RASAL1: variants seen among roughly 807,000 people sequenced by gnomAD.
RASAL1 encodes RAS protein activator like 1, also known as rasGAP-activating-like protein 1.
Under a neutral mutation model 96.6 loss-of-function variants are expected in RASAL1, and 72 were observed. That is an observed-to-expected ratio of 0.75 (90% CI 0.62 to 0.91). The LOEUF is 0.91. Ranked by LOEUF, RASAL1 falls within the 40% of genes least tolerant of loss-of-function variation. RASAL1 has a pLI of 0.00. For synonymous variants in RASAL1, 405 were observed against 430.4 expected (o/e 0.94, Z 0.73); for missense variants, 1,016 against 1,072.5 (o/e 0.95, Z 0.74).
rs1951054058 is a variant in RASAL1 at position 113,115,752 on chromosome 12, G to T, written c.886C>A (p.Leu296Met). 6.2e-7 allele frequency: 1 copy of T among 1,614,064 alleles called. No homozygotes were observed. Among genetic ancestry groups the T allele is most frequent in the South Asian group, 1.1e-5 (1 of 91,082 alleles). ...TASPLALLEELTLGDCRQDLA... is the reference protein window; with the variant it reads ...TASPLALLEEMTLGDCRQDLA... ...TCCTGGCGGCAGTCCCCCAAGGTCA[G>T]CTCTTCCAGCAAAGCCAAGGGGCTA... Residue 296 changes from leucine (L) to methionine (M), a missense_variant, in exon 10 of 21, where the codon CTG (leucine) becomes ATG (methionine). By Grantham distance (15) the Leu-to-Met change is conservative (BLOSUM62 2). Coordinates refer to ENST00000548055, the MANE Select transcript of RASAL1 (RefSeq NM_001301202.2). The surrounding 1 kb of genome is among the most constrained non-coding windows in gnomAD (Gnocchi z 4.1).
chr12:113,111,408 T>C (rs1036545666), intron 13 of RASAL1, among the ~76,000 whole-genome samples: 4 of 152,088 alleles, frequency 2.6e-5, no homozygotes, highest in Admixed American at 2.6e-4. Context: ...CCTTTCTACC[T>C]GTGTGACTTA....
chr12:113,136,471 C>T (rs1318929374), upstream of RASAL1, among the ~76,000 whole-genome samples: 6 of 152,298 alleles, frequency 3.9e-5, no homozygotes, highest in Admixed American at 1.3e-4. Flanking sequence ...CCCCATTATC[C>T]GCAGTTTATG....
At chr12:113,109,043 G>GT (rs10603536) in intron 13 of RASAL1, among the ~76,000 whole-genome samples, 41 of 134,246 alleles carry the variant, frequency 3.1e-4, no homozygotes, top group African/African-American at 9.8e-4. Flanking sequence ...TTTTGTGTGT[G>GT]TTTTTTTTTT....
At chr12:113,120,570 G>A (rs1201592256) in intron 5 of RASAL1, among the ~76,000 whole-genome samples, 1 of 152,182 alleles carries the variant, frequency 6.6e-6, no homozygotes, top group African/African-American at 2.4e-5. Context: ...TGAGAGCTGG[G>A]GAGGTGAAAA....
Position 113,115,727 on chromosome 12 carries a change from T to C in RASAL1, c.911A>G (p.Asp304Gly), listed in dbSNP as rs756669360. ...GAGTTTCACCAGCTTGGTGGCAAGG[T>C]CCTGGCGGCAGTCCCCCAAGGTCAG... ...EELTLGDCRQDLATKLVKLFL... is the reference protein window; with the variant it reads ...EELTLGDCRQGLATKLVKLFL... The change falls in exon 10 of 21, where the codon GAC becomes GGC. Residue 304 changes from aspartate (D) to glycine (G), a missense_variant. By Grantham distance (94) the Asp-to-Gly change is moderately conservative. Coordinates refer to ENST00000548055, the MANE Select transcript of RASAL1 (RefSeq NM_001301202.2). The surrounding 1 kb of genome is among the most constrained non-coding windows in gnomAD (Gnocchi z 4.1). The C allele has an allele frequency of 6.2e-7, 1 of 1,613,754 alleles. No individual in the cohort carries two copies. The highest frequency in any genetic ancestry group is 1.1e-5 in the South Asian group (1 of 91,062).
chr12:113,119,751 A>C (rs547775615), intron 5 of RASAL1, among the ~76,000 whole-genome samples: 1 of 151,784 alleles, frequency 6.6e-6, no homozygotes, highest in South Asian at 2.1e-4. Flanking sequence ...AGAGAGCCTC[A>C]GATTCTCTGG....
chr12:113,112,028 G>T lies in RASAL1; in HGVS notation c.1374+58C>A, dbSNP rs113234955. 813 of 1,223,478 alleles carry T rather than the reference G, an allele frequency of 6.6e-4. 7 individuals are homozygous for T. In the African/African-American group the frequency reaches 0.011, roughly 17 times the overall value. 75.8% of individuals were successfully genotyped at this position (1,223,478 alleles called of 1,614,324 possible). A position where few individuals can be genotyped will look rare whatever the true frequency, so the allele number is the denominator to read the frequency against. On this transcript the variant is annotated intron_variant, in intron 13 of 20. Coordinates refer to ENST00000548055, the MANE Select transcript of RASAL1 (RefSeq NM_001301202.2). ...GTCACAGTTCTGTCCTGACTCCTCC[G>T]AGTGACCCCGGACAAGCTCCGGCCT...
intron 2 of RASAL1, among the ~76,000 whole-genome samples, chr12:113,128,856 T>C (rs1425030810): frequency 6.6e-6 from 1 of 151,846 alleles, no homozygotes; most frequent in Non-Finnish European, 1.5e-5. Flanking sequence ...AATAGACATA[T>C]GTCGGGAACA....
chr12:113,099,729 C>T lies in RASAL1; in HGVS notation c.*200G>A. 1 of 588,244 alleles carries T rather than the reference C, an allele frequency of 1.7e-6. No homozygotes were observed. The highest frequency in any genetic ancestry group is 2.7e-6 in the Non-Finnish European group (1 of 369,058). 36.4% of individuals were successfully genotyped at this position (588,244 alleles called of 1,614,324 possible). The stretch of plus-strand genomic sequence containing the variant: ...ATCAAGCCAGAGGGCAAGTTTCACT[C>T]AGTGCAAGGCTGGCCCCTGCCAAAG... On this transcript the variant is annotated 3_prime_UTR_variant, in exon 21 of 21. Coordinates refer to ENST00000548055, the MANE Select transcript of RASAL1 (RefSeq NM_001301202.2).
chr12:113,115,289 G>C lies in RASAL1; in HGVS notation c.1004-25C>G. On this transcript the variant is annotated intron_variant, in intron 10 of 20. Transcript: ENST00000548055. The surrounding 1 kb of genome is among the most constrained non-coding windows in gnomAD (Gnocchi z 4.1). ...ACTGGGAGGACAGGAGGAAGTGTTT[G>C]CTGGGATTTAGGGAGCTGAACCCAG... The C allele has an allele frequency of 1.9e-6, 3 of 1,604,812 alleles. No homozygotes were observed. The South Asian group carries it at 3.3e-5, about 18-fold the overall frequency.
At chr12:113,119,708 C>T (rs549945958) in intron 5 of RASAL1, among the ~76,000 whole-genome samples, 4 of 152,220 alleles carry the variant, frequency 2.6e-5, no homozygotes, top group South Asian at 4.2e-4. Flanking sequence ...ATCACAAAGC[C>T]CAGCAAGTAG....
At chr12:113,127,955 T>A in intron 3 of RASAL1, 82 bp from the exon 4 acceptor site, 1 of 1,572,556 alleles carries the variant, frequency 6.4e-7, no homozygotes, top group Non-Finnish European at 8.7e-7. Context: ...GGTGTCAAGG[T>A]CTGGGTGGGA....
rs1299378384 is a variant in RASAL1, at chr12:113,129,437, G to A, written c.123-1259C>T. Among the ~76,000 whole-genome samples the A allele has an allele frequency of 6.6e-6, 1 of 152,094 alleles. No individual in the cohort carries two copies. Among genetic ancestry groups the A allele is most frequent in the South Asian group, 2.1e-4 (1 of 4,828 alleles). ...GGCCAGGAGACAGGAGGTGAGCAGG[G>A]GACAGAGCACTCGGGGCTTTGAAGC... On this transcript the variant is annotated intron_variant, in intron 2 of 20. Transcript: ENST00000548055. The surrounding 1 kb of genome is among the most constrained non-coding windows in gnomAD (Gnocchi z 5.0).
At chr12:113,120,569 G>A (rs576929201) in intron 5 of RASAL1, among the ~76,000 whole-genome samples, 15 of 152,272 alleles carry the variant, frequency 9.9e-5, no homozygotes, top group African/African-American at 3.4e-4. Flanking sequence ...ATGAGAGCTG[G>A]GGAGGTGAAA....
intron 5 of RASAL1, 91 bp downstream of exon 5, chr12:113,121,418 G>C (rs1951289616): frequency 6.4e-7 from 1 of 1,569,958 alleles, no homozygotes; most frequent in Non-Finnish European, 8.7e-7. Context: ...CCAGGACTGA[G>C]GAGGTCCCAA....
chr12:113,131,975 T>C, intron 1 of RASAL1, among the ~76,000 whole-genome samples: 1 of 147,956 alleles, frequency 6.8e-6, no homozygotes, highest in Admixed American at 6.7e-5. Context: ...CTTCTTTTTT[T>C]TTTTTTTTTT....
At chr12:113,111,338 G>C (rs1299180348) in intron 13 of RASAL1, among the ~76,000 whole-genome samples, 3 of 152,072 alleles carry the variant, frequency 2.0e-5, no homozygotes, top group Non-Finnish European at 4.4e-5. Context: ...ATTATTTGCT[G>C]GTTATGAGCA....
intron 16 of RASAL1, 84 bp from the exon 17 acceptor site, chr12:113,104,382 G>T: frequency 7.4e-7 from 1 of 1,355,510 alleles, no homozygotes; most frequent in Non-Finnish European, 1.0e-6. Flanking sequence ...TGTGCAGCAG[G>T]TGGAGTCAGT....
Position 113,105,825 on chromosome 12 carries a change from C to G in RASAL1, c.1719G>C (p.Leu573=). The change falls in exon 16 of 21, where the codon CTG becomes CTC. Residue 573 remains leucine, a synonymous_variant. Coordinates refer to ENST00000548055, the MANE Select transcript of RASAL1 (RefSeq NM_001301202.2). ...PPSAIVREGY[L]LKRKEEPAGL... ...CGGCAGGCTCCTCCTTGCGCTTCAG[C>G]AGATAGCCTTCTCGAACAATGGCCG... 6.2e-7 allele frequency: 1 copy of G among 1,614,170 alleles called. No individual in the cohort carries two copies. Among genetic ancestry groups the G allele is most frequent in the Non-Finnish European group, 8.5e-7 (1 of 1,180,030 alleles).
Sources: allele counts gnomAD v4.1 joint callset (sites outside exome capture counted in the v4.1 genomes callset), GRCh38; gene constraint gnomAD v4.1.1; non-coding constraint Gnocchi (gnomAD v3.1); transcripts MANE v1.5; gene names NCBI Gene and HGNC (gene_info 2026-07-23, HGNC 2026-07-21).